LHFPL2: variants seen among roughly 807,000 people sequenced by gnomAD.
LHFPL2 encodes LHFPL tetraspan subfamily member 2, also known as LHFPL tetraspan subfamily member 2 protein.
In LHFPL2, 7 loss-of-function variants were observed where a neutral mutation model predicts 17.5. The ratio of observed to expected loss-of-function variants is 0.40; its 90% confidence interval spans 0.23 to 0.75. The LOEUF is 0.75. Ranked by LOEUF, LHFPL2 falls within the 30% of genes least tolerant of loss-of-function variation. LHFPL2 has a pLI of 0.37. For synonymous variants in LHFPL2, 134 were observed against 116.2 expected (o/e 1.15, Z -0.99); for missense variants, 241 against 294.8 (o/e 0.82, Z 1.34).
At chr5:78,509,753 T>C (rs1213153331) in intron 4 of LHFPL2, 31 bp downstream of exon 4, 1 of 1,593,250 alleles carries the variant, frequency 6.3e-7, no homozygotes, top group African/African-American at 1.3e-5. Flanking sequence ...CATCCCTCCA[T>C]CCCACCGTGC....
chr5:78,628,905 T>C (rs1745151707), intron 2 of LHFPL2, among the ~76,000 whole-genome samples: 1 of 152,106 alleles, frequency 6.6e-6, no homozygotes, highest in African/African-American at 2.4e-5. Flanking sequence ...AAGATAAGCA[T>C]CAATGGAGGA....
At chr5:78,568,067 T>C (rs1003753150) in intron 2 of LHFPL2, among the ~76,000 whole-genome samples, 3 of 152,204 alleles carry the variant, frequency 2.0e-5, no homozygotes, top group Admixed American at 2.0e-4. Context: ...GACAAGAACA[T>C]CAATTAGAGC....
chr5:78,596,258 GA>G (rs1393135629), intron 2 of LHFPL2, among the ~76,000 whole-genome samples: 23 of 152,294 alleles, frequency 1.5e-4, no homozygotes, highest in African/African-American at 4.1e-4. Context: ...AACTTCTCAA[GA>G]AAGATGCAAG....
intron 2 of LHFPL2, among the ~76,000 whole-genome samples, chr5:78,601,223 G>T (rs934331269): frequency 3.9e-5 from 6 of 152,122 alleles, no homozygotes; most frequent in African/African-American, 1.4e-4. Context: ...ATAAATATTT[G>T]GACCCTTGAC....
chr5:78,526,616 G>C (rs1580776117), intron 3 of LHFPL2, among the ~76,000 whole-genome samples: 1 of 152,308 alleles, frequency 6.6e-6, no homozygotes, highest in Middle Eastern at 3.4e-3. Context: ...CTTGTGCCTA[G>C]TGCTTAAGGC....
intron 3 of LHFPL2, among the ~76,000 whole-genome samples, chr5:78,535,307 G>C (rs1386528341): frequency 1.3e-5 from 2 of 152,130 alleles, no homozygotes; most frequent in East Asian, 3.9e-4. Context: ...AGCAAATCAG[G>C]GAGGACAGAC....
intron 2 of LHFPL2, among the ~76,000 whole-genome samples, chr5:78,587,365 C>A (rs998684113): frequency 1.3e-5 from 2 of 152,180 alleles, no homozygotes; most frequent in African/African-American, 4.8e-5. Context: ...AAGAATTTCA[C>A]CACTTTAAAG....
chr5:78,535,480 A>T (rs192575008), intron 3 of LHFPL2, among the ~76,000 whole-genome samples: 52 of 152,238 alleles, frequency 3.4e-4, no homozygotes, highest in Admixed American at 6.5e-4. Context: ...GAGAGCAAAG[A>T]CGACCTAGGA....
chr5:78,644,418 T>G (rs1268795331), intron 1 of LHFPL2: 1 of 726,574 alleles, frequency 1.4e-6, no homozygotes, highest in Non-Finnish European at 2.4e-6. Flanking sequence ...CACAGCCTTT[T>G]CATAAGGCTG....
chr5:78,647,935 C>A (rs2112537395), intron 1 of LHFPL2, among the ~76,000 whole-genome samples: 1 of 152,318 alleles, frequency 6.6e-6, no homozygotes, highest in African/African-American at 2.4e-5. Flanking sequence ...ATGCGGTCTT[C>A]CCCACTCCAC....
intron 2 of LHFPL2, among the ~76,000 whole-genome samples, chr5:78,572,533 C>A (rs1023716433): frequency 2.0e-5 from 3 of 149,508 alleles, no homozygotes; most frequent in Non-Finnish European, 3.0e-5. Context: ...TATATATATA[C>A]ACACACATAT....
intron 2 of LHFPL2, among the ~76,000 whole-genome samples, chr5:78,584,941 G>A (rs186118898): frequency 2.1e-4 from 32 of 150,440 alleles, no homozygotes; most frequent in African/African-American, 6.1e-4. Context: ...ACGAGACTCC[G>A]TGGGCGTAGG....
intron 1 of LHFPL2, among the ~76,000 whole-genome samples, chr5:78,639,995 C>T (rs1282288026): frequency 2.0e-5 from 3 of 152,134 alleles, no homozygotes; most frequent in Admixed American, 6.5e-5. Flanking sequence ...CAGCCTGCCC[C>T]AGGAGAAAGG....
intron 3 of LHFPL2, among the ~76,000 whole-genome samples, chr5:78,521,375 CTTG>C (rs1209701803): frequency 6.6e-6 from 1 of 152,202 alleles, no homozygotes; most frequent in Non-Finnish European, 1.5e-5. Context: ...AATAAAATGT[CTTG>C]TTTTGTTATC....
chr5:78,599,328 T>C (rs968331512), intron 2 of LHFPL2, among the ~76,000 whole-genome samples: 1 of 152,130 alleles, frequency 6.6e-6, no homozygotes, highest in African/African-American at 2.4e-5. Context: ...GGACAGAGTT[T>C]TGCTCTTGTT....
At chr5:78,561,654 C>T (rs532480243) in intron 3 of LHFPL2, among the ~76,000 whole-genome samples, 38 of 152,300 alleles carry the variant, frequency 2.5e-4, no homozygotes, top group African/African-American at 9.1e-4. Context: ...GTCTGATTCT[C>T]GGCTTCCCTT....
rs375099940 is a variant in LHFPL2 at position 78,540,579 on chromosome 5, T to C, written c.-186+24234A>G. 2.0e-5 allele frequency among the ~76,000 whole-genome samples: 3 copies of C among 152,318 alleles called. No homozygotes were observed. In the East Asian group the frequency reaches 5.8e-4, roughly 29 times the overall value. ...GCAGAGAGGGGCCCCACACTGGTGATGGTAGGTCTCTGAGATGGGAGGCCG... is the reference window on the plus strand; with the variant it reads ...GCAGAGAGGGGCCCCACACTGGTGACGGTAGGTCTCTGAGATGGGAGGCCG... On this transcript the variant is annotated intron_variant, in intron 3 of 4. Coordinates refer to ENST00000380345, the MANE Select transcript of LHFPL2 (RefSeq NM_005779.3).
At chr5:78,647,148 T>C (rs1178581253) in intron 1 of LHFPL2, among the ~76,000 whole-genome samples, 1 of 152,242 alleles carries the variant, frequency 6.6e-6, no homozygotes, top group Non-Finnish European at 1.5e-5. Flanking sequence ...TATCACAGTA[T>C]GACAGCAAAA....
chr5:78,589,537 A>G (rs1439865321), intron 2 of LHFPL2, among the ~76,000 whole-genome samples: 1 of 152,120 alleles, frequency 6.6e-6, no homozygotes, highest in Non-Finnish European at 1.5e-5. Context: ...TTGCAAAAAA[A>G]CAGCATTAGA....
Sources: allele counts gnomAD v4.1 joint callset (sites outside exome capture counted in the v4.1 genomes callset), GRCh38; gene constraint gnomAD v4.1.1; transcripts MANE v1.5; gene names NCBI Gene and HGNC (gene_info 2026-07-23, HGNC 2026-07-21).